The following R3HDM1 variants were observed in gnomAD, a reference collection of about 807,000 sequenced individuals.
R3HDM1 encodes the protein R3H domain containing 1.
R3HDM1 carries 46 observed loss-of-function variants against 141.1 expected under a neutral mutation model. The ratio of observed to expected loss-of-function variants is 0.33; its 90% CI spans 0.26 to 0.42. R3HDM1 has a LOEUF of 0.42. Ranked by LOEUF, R3HDM1 falls within the 10% of genes least tolerant of loss-of-function variation. The pLI, the probability that R3HDM1 is intolerant of heterozygous loss-of-function variation, is 1.00. For synonymous variants in R3HDM1, 435 were observed against 472.9 expected (o/e 0.92, Z 1.04); for missense variants, 1,184 against 1,368.3 (o/e 0.87, Z 2.12).
At chr2:135,552,310 C>G (rs1699982773) in intron 1 of R3HDM1, among the ~76,000 whole-genome samples, 1 of 152,104 alleles carries the variant, frequency 6.6e-6, no homozygotes, top group South Asian at 2.1e-4. Context: ...ATTCTCCCCC[C>G]TCAGCCTCCC....
At chr2:135,638,464 GA>G (rs1045056807) in intron 11 of R3HDM1, among the ~76,000 whole-genome samples, 153 bp from the exon 12 acceptor site, 4 of 151,696 alleles carry the variant, frequency 2.6e-5, no homozygotes, top group Non-Finnish European at 5.9e-5. Context: ...CTCCAAACCA[GA>G]AAAAAAATTC....
At chr2:135,649,161 A>G (rs2064839730) in intron 16 of R3HDM1, 1 of 149,466 alleles carries the variant, frequency 6.7e-6, no homozygotes, top group Non-Finnish European at 1.5e-5. Flanking sequence ...CGCCTCTTGG[A>G]TTCACGCCAT....
chr2:135,659,717 C>A lies in R3HDM1; in HGVS notation c.2029-1553C>A, dbSNP rs148280405. Reference sequence around the variant, plus strand: ...CCTCCCAAAGTGCTGGGAGTACAGGCGTCAGCTGCCATACCCAGCCCAGAA... The same window carrying A: ...CCTCCCAAAGTGCTGGGAGTACAGGAGTCAGCTGCCATACCCAGCCCAGAA... On this transcript the variant is annotated intron_variant, in intron 18 of 26. Coordinates refer to ENST00000683871, the MANE Select transcript of R3HDM1 (RefSeq NM_001378107.1). Among the ~76,000 whole-genome samples, 456 of 152,264 alleles carry A rather than the reference C, an allele frequency of 3.0e-3. 3 individuals carry two copies. The highest frequency in any genetic ancestry group is 0.01 in the African/African-American group (425 of 41,546).
chr2:135,584,292 C>T (rs1483204630), intron 1 of R3HDM1: 2 of 723,402 alleles, frequency 2.8e-6, no homozygotes, highest in South Asian at 6.2e-5. Flanking sequence ...TGTGCCACTG[C>T]TCTCCAGCCT....
At chr2:135,721,095 C>T (rs1020943557) in intron 24 of R3HDM1, among the ~76,000 whole-genome samples, 2 of 152,182 alleles carry the variant, frequency 1.3e-5, no homozygotes, top group African/African-American at 2.4e-5. Context: ...TCCTACCATG[C>T]ACCCTCCTTC....
chr2:135,691,238 G>T (rs1194660433), intron 21 of R3HDM1, among the ~76,000 whole-genome samples: 1 of 152,150 alleles, frequency 6.6e-6, no homozygotes, highest in Non-Finnish European at 1.5e-5. Flanking sequence ...TCATTTTTCA[G>T]TGTGCATACA....
intron 7 of R3HDM1, chr2:135,623,140 AATC>A (rs1290192875): frequency 4.2e-6 from 3 of 718,446 alleles, no homozygotes; most frequent in African/African-American, 1.9e-5. Flanking sequence ...TGAGTTTATA[AATC>A]ATCAACCCAA....
chr2:135,577,414 C>CAA (rs35038268), intron 1 of R3HDM1, among the ~76,000 whole-genome samples: 5 of 15,806 alleles, frequency 3.2e-4, no homozygotes, highest in East Asian at 1.7e-3. Context: ...ATTAAATGAC[C>CAA]AAAAAAAAAA....
chr2:135,608,658 T>A (rs2060276477), intron 3 of R3HDM1, among the ~76,000 whole-genome samples: 1 of 152,212 alleles, frequency 6.6e-6, no homozygotes, highest in East Asian at 1.9e-4. Flanking sequence ...TACCAGATAT[T>A]TCATCTTCCT....
rs1559158565 is a variant in R3HDM1, at chr2:135,578,304, T to A, written c.-249-24196T>A. Among the ~76,000 whole-genome samples, 5 of 152,186 alleles carry A rather than the reference T, an allele frequency of 3.3e-5. 1 individual carries two copies. The South Asian group carries it at 1.0e-3, about 32-fold the overall frequency. On this transcript the variant is annotated intron_variant, in intron 1 of 26. Transcript: ENST00000683871. ...TGAAGCAGGGAAATACAGGCACAGA[T>A]GTCAACTTAATGTGTGAAAGAAATA...
rs191306281 is a variant in R3HDM1 at position 135,668,553 on chromosome 2, G to A, written c.2153-6779G>A. On this transcript the variant is annotated intron_variant, in intron 19 of 26. Transcript: ENST00000683871. ...TGACAATTTTAGTTGTGTTAGTTTAGAACAGTTCTTCAGACCCTGATGGCT... is the reference window on the plus strand; with the variant it reads ...TGACAATTTTAGTTGTGTTAGTTTAAAACAGTTCTTCAGACCCTGATGGCT... 1.3e-4 allele frequency among the ~76,000 whole-genome samples: 20 copies of A among 152,302 alleles called. No homozygotes were observed. In the East Asian group the frequency reaches 3.9e-3, roughly 29 times the overall value.
chr2:135,561,877 C>G (rs187814900), intron 1 of R3HDM1, among the ~76,000 whole-genome samples: 1 of 152,026 alleles, frequency 6.6e-6, no homozygotes, highest in African/African-American at 2.4e-5. Context: ...ATAAAATGAC[C>G]GTTAAAGAAT....
chr2:135,642,596 G>A (rs1207976760), intron 15 of R3HDM1, among the ~76,000 whole-genome samples: 2 of 152,144 alleles, frequency 1.3e-5, no homozygotes, highest in Non-Finnish European at 2.9e-5. Flanking sequence ...GCATAGCCCA[G>A]TCATTTGGCA....
At chr2:135,709,618 AG>A (rs2105437439) in intron 22 of R3HDM1, 82 bp downstream of exon 22, 1 of 1,521,276 alleles carries the variant, frequency 6.6e-7, no homozygotes, top group African/African-American at 1.4e-5. Context: ...TTCTACAAAA[AG>A]CTTCTCAATT....
chr2:135,674,046 A>G (rs998438578), intron 19 of R3HDM1, among the ~76,000 whole-genome samples: 1 of 152,220 alleles, frequency 6.6e-6, no homozygotes, highest in Non-Finnish European at 1.5e-5. Context: ...TGCTGGGATC[A>G]TAGGTGTAAG....
In R3HDM1 at chr2:135,651,924, C is replaced by G; in HGVS notation, c.1920C>G (p.Pro640=). 5 of 1,613,954 alleles carry G rather than the reference C, an allele frequency of 3.1e-6. No homozygotes were observed. Among genetic ancestry groups the G allele is most frequent in the South Asian group, 2.2e-5 (2 of 91,046 alleles). The change falls in exon 18 of 27, where the codon CCC becomes CCG. Residue 640 remains proline (P), a synonymous_variant. Transcript: ENST00000683871. ...PPPPPPPPPP[P]LPPGQPVPTA... ...CACCACCACCACCTCCTCCTCCTCC[C>G]CTACCACCTGGGCAGCCAGTCCCTA... is the stretch of plus-strand genomic sequence containing the variant.
At chr2:135,556,770 G>A (rs893231978) in intron 1 of R3HDM1, among the ~76,000 whole-genome samples, 5 of 151,654 alleles carry the variant, frequency 3.3e-5, no homozygotes, top group Admixed American at 6.6e-5. Flanking sequence ...TGCCCGCCTC[G>A]GCCTCCCAAA....
In R3HDM1 at chr2:135,544,534, CA is replaced by C. The variant is rs542055071; in HGVS notation, c.-250+12908del. Among the ~76,000 whole-genome samples, 42 of 151,978 alleles carry C rather than the reference CA, an allele frequency of 2.8e-4. No homozygotes were observed. The South Asian group carries it at 8.5e-3, about 31-fold the overall frequency. On this transcript the variant is annotated intron_variant, in intron 1 of 26. Coordinates refer to ENST00000683871, the MANE Select transcript of R3HDM1 (RefSeq NM_001378107.1). ...CAAGTAAAGGAAAGGGAAGGGCTAA[CA>C]AAAAAAGGTAAAAATTTCCAGAAAT...
rs1175499465 is a variant in R3HDM1, at chr2:135,724,773, A to G, written c.*481A>G. 6.5e-6 allele frequency: 1 copy of G among 152,946 alleles called. No homozygotes were observed. Among genetic ancestry groups the G allele is most frequent in the African/African-American group, 2.4e-5 (1 of 41,452 alleles). 9.5% of individuals were successfully genotyped at this position (152,946 alleles called of 1,614,324 possible). A position where few individuals can be genotyped will look rare whatever the true frequency, so the allele number is the denominator to read the frequency against. ...ATCTCCTTGGGGGTTAGGGATGCTAAGAAGAGCCCACAAATAGAGGATTAC... is the reference window on the plus strand; with the variant it reads ...ATCTCCTTGGGGGTTAGGGATGCTAGGAAGAGCCCACAAATAGAGGATTAC... On this transcript the variant is annotated 3_prime_UTR_variant, in exon 27 of 27. Coordinates refer to ENST00000683871, the MANE Select transcript of R3HDM1 (RefSeq NM_001378107.1).
Sources: gnomAD v4.1 joint callset for allele counts (sites outside exome capture counted in the v4.1 genomes callset) on GRCh38, gnomAD v4.1.1 for gene constraint, MANE v1.5 for transcripts, NCBI Gene and HGNC (gene_info 2026-07-23, HGNC 2026-07-21) for gene names.